Variants in SLC39A12 observed in about 807,000 individuals in gnomAD.
SLC39A12 encodes the protein solute carrier family 39 member 12.
A neutral mutation model predicts 71.1 loss-of-function variants in SLC39A12; 63 were observed. The observed-to-expected ratio is 0.89, with a 90% confidence interval of 0.72 to 1.09. The LOEUF (loss-of-function observed/expected upper bound fraction) is 1.09. Ranked by LOEUF, SLC39A12 falls within the 50% of genes least tolerant of loss-of-function variation. SLC39A12 has a pLI of 0.00. For missense variants in SLC39A12, 892 were observed against 812.6 expected (o/e 1.10, Z -1.19); for synonymous variants, 351 against 301.3 (o/e 1.16, Z -1.71).
At chr10:17,963,102 A>T (rs935398144) in intron 3 of SLC39A12, among the ~76,000 whole-genome samples, 1 of 152,152 alleles carries the variant, frequency 6.6e-6, no homozygotes, top group Admixed American at 6.5e-5. Context: ...TTGAGGTTAC[A>T]GTGAACTATG....
chr10:17,977,133 A>G (rs964679423), intron 4 of SLC39A12, among the ~76,000 whole-genome samples: 3 of 152,074 alleles, frequency 2.0e-5, no homozygotes, highest in African/African-American at 7.2e-5. Context: ...TAAACTCCAG[A>G]ATTTTCATTT....
At chr10:18,039,779 C>T (rs75256201) in intron 12 of SLC39A12, among the ~76,000 whole-genome samples, 2,025 of 152,272 alleles carry the variant, frequency 0.013, 22 homozygotes, top group South Asian at 0.031. Flanking sequence ...CCTTGTTAAT[C>T]CCTCAAGAGT....
chr10:17,961,564 A>G lies in SLC39A12; in HGVS notation c.262-17A>G, dbSNP rs1554848365. The G allele has an allele frequency of 6.3e-7, 1 of 1,590,384 alleles. No homozygotes were observed. The highest frequency in any genetic ancestry group is 1.4e-5 in the African/African-American group (1 of 73,292). On this transcript the variant is annotated splice_polypyrimidine_tract_variant and intron_variant, in intron 2 of 12. Coordinates refer to ENST00000377369, the MANE Select transcript of SLC39A12 (RefSeq NM_001145195.2). ...AAGCTTTGTTTCTTTTGTTGTTGTT[A>G]TTGTTTTCTTCCACAGTGCTTTGAA... is the stretch of plus-strand genomic sequence containing the variant.
chr10:17,986,422 C>T (rs1835397692), intron 6 of SLC39A12, among the ~76,000 whole-genome samples: 1 of 152,102 alleles, frequency 6.6e-6, no homozygotes, highest in African/African-American at 2.4e-5. Flanking sequence ...TTGGGAAGTC[C>T]AAGATCAAGG....
chr10:18,040,702 G>A (rs1192443967), intron 12 of SLC39A12, among the ~76,000 whole-genome samples: 1 of 149,972 alleles, frequency 6.7e-6, no homozygotes, highest in Non-Finnish European at 1.5e-5. Context: ...CCAGGAGGCA[G>A]AGGTTGCAGT....
At chr10:17,976,674 C>T (rs1835118673) in intron 4 of SLC39A12, among the ~76,000 whole-genome samples, 1 of 152,204 alleles carries the variant, frequency 6.6e-6, no homozygotes, top group African/African-American at 2.4e-5. Context: ...ATCCACCCGC[C>T]TTGGCCTCCC....
intron 6 of SLC39A12, 84 bp from the exon 7 acceptor site, chr10:17,987,395 C>T: frequency 7.8e-7 from 1 of 1,288,286 alleles, no homozygotes; most frequent in Non-Finnish European, 1.1e-6. Flanking sequence ...TACTGTAAGA[C>T]CAATTCTTCT....
chr10:17,973,831 A>G (rs569275323), intron 4 of SLC39A12, among the ~76,000 whole-genome samples: 18 of 146,860 alleles, frequency 1.2e-4, no homozygotes, highest in African/African-American at 1.6e-4. Flanking sequence ...TTCTACCCCT[A>G]TCTCTCTCCC....
chr10:17,968,954 C>T (rs1834900689), intron 4 of SLC39A12, among the ~76,000 whole-genome samples: 1 of 152,072 alleles, frequency 6.6e-6, no homozygotes. Flanking sequence ...CATTTCCCAA[C>T]CTCTGGAAAC....
At chr10:18,020,540 C>T (rs1165690018) in intron 12 of SLC39A12, among the ~76,000 whole-genome samples, 3 of 152,060 alleles carry the variant, frequency 2.0e-5, no homozygotes, top group Non-Finnish European at 4.4e-5. Context: ...TTTAAGAAAT[C>T]TCCAGACTGT....
intron 6 of SLC39A12, among the ~76,000 whole-genome samples, chr10:17,982,722 T>C (rs553300477): frequency 2.5e-5 from 3 of 117,820 alleles, no homozygotes; most frequent in Non-Finnish European, 5.7e-5. Flanking sequence ...GGAGCATCCC[T>C]GGGCAGTTTA....
intron 12 of SLC39A12, among the ~76,000 whole-genome samples, chr10:18,039,628 T>A (rs145111833): frequency 6.6e-6 from 1 of 152,032 alleles, no homozygotes; most frequent in Non-Finnish European, 1.5e-5. Flanking sequence ...CCCAGGAGGC[T>A]GAAGTGGGAG....
chr10:17,992,311 A>G (rs1835575473), intron 8 of SLC39A12, among the ~76,000 whole-genome samples: 1 of 152,178 alleles, frequency 6.6e-6, no homozygotes, highest in Non-Finnish European at 1.5e-5. Context: ...TTACAATACA[A>G]TTCTTTCAGC....
At chr10:17,973,093 C>T (rs753768846) in intron 4 of SLC39A12, among the ~76,000 whole-genome samples, 5 of 152,022 alleles carry the variant, frequency 3.3e-5, no homozygotes, top group African/African-American at 4.8e-5. Context: ...TTTGTATAAA[C>T]AAAAACCAAG....
At chr10:17,964,640 T>C (rs1477679720) in intron 3 of SLC39A12, among the ~76,000 whole-genome samples, 1 of 152,234 alleles carries the variant, frequency 6.6e-6, no homozygotes, top group African/African-American at 2.4e-5. Flanking sequence ...AAAAAGGTCC[T>C]GTGTCCTCTG....
chr10:17,986,376 T>C (rs2130817305), intron 6 of SLC39A12, among the ~76,000 whole-genome samples: 1 of 152,316 alleles, frequency 6.6e-6, no homozygotes, highest in Non-Finnish European at 1.5e-5. Flanking sequence ...ATGGCTTATG[T>C]AAACAACAGA....
At chr10:18,029,962 C>A (rs1836790245) in intron 12 of SLC39A12, among the ~76,000 whole-genome samples, 1 of 151,296 alleles carries the variant, frequency 6.6e-6, no homozygotes, top group Non-Finnish European at 1.5e-5. Context: ...TGAGTTTTGG[C>A]ATTTCGTATT....
chr10:18,025,066 T>G (rs1485286737), intron 12 of SLC39A12, among the ~76,000 whole-genome samples: 2 of 152,220 alleles, frequency 1.3e-5, no homozygotes. Context: ...TTGGTATATT[T>G]AGATAACTGT....
At chr10:17,993,743 C>T (rs955509590) in intron 9 of SLC39A12, among the ~76,000 whole-genome samples, 6 of 152,208 alleles carry the variant, frequency 3.9e-5, no homozygotes, top group Non-Finnish European at 7.3e-5. Flanking sequence ...TGAGAAGTTT[C>T]ATAGTATGTG....
Sources: gnomAD v4.1 joint callset for allele counts (sites outside exome capture counted in the v4.1 genomes callset) on GRCh38, gnomAD v4.1.1 for gene constraint, MANE v1.5 for transcripts, NCBI Gene and HGNC (gene_info 2026-07-23, HGNC 2026-07-21) for gene names.